ARFGEF1: variants seen among roughly 807,000 people sequenced by gnomAD.
ARFGEF1 encodes brefeldin A-inhibited guanine nucleotide-exchange protein 1.
Under a neutral mutation model 231.0 loss-of-function variants are expected in ARFGEF1, and 42 were observed. That is an observed-to-expected ratio of 0.18 (90% confidence interval 0.14 to 0.24). ARFGEF1 has a LOEUF of 0.24. Ranked by LOEUF, ARFGEF1 falls within the 10% of genes least tolerant of loss-of-function variation. The pLI is 1.00. For missense variants in ARFGEF1, 1,345 were observed against 2,192.0 expected (o/e 0.61, Z 7.72); for synonymous variants, 710 against 732.3 (o/e 0.97, Z 0.49).
chr8:67,320,709 C>T (rs1242969258), intron 1 of ARFGEF1, among the ~76,000 whole-genome samples: 2 of 151,812 alleles, frequency 1.3e-5, no homozygotes, highest in African/African-American at 4.8e-5. Flanking sequence ...ATAATCCCAG[C>T]ACTTTGGGAG....
chr8:67,237,045 A>G (rs926495259), intron 22 of ARFGEF1, among the ~76,000 whole-genome samples: 1 of 152,238 alleles, frequency 6.6e-6, no homozygotes, highest in Non-Finnish European at 1.5e-5. Flanking sequence ...ACTCAGGCCC[A>G]GCAATTAACA....
intron 5 of ARFGEF1, among the ~76,000 whole-genome samples, chr8:67,182,319 T>C (rs890769093): frequency 6.9e-5 from 8 of 115,168 alleles, no homozygotes; most frequent in African/African-American, 4.4e-4. Context: ...GATTTCCCCT[T>C]TTTTTTTTTA....
intron 37 of ARFGEF1, 33 bp downstream of exon 37, chr8:67,201,434 T>C (rs1440801740): frequency 1.3e-6 from 2 of 1,584,906 alleles, no homozygotes; most frequent in Admixed American, 1.9e-5. Context: ...CGTGGCTACC[T>C]GGTCAGAGAT....
rs751107137 is a variant in ARFGEF1, at chr8:67,238,370, G to A, written c.3262C>T (p.Pro1088Ser). The A allele has an allele frequency of 5.0e-6, 8 of 1,609,678 alleles. No homozygotes were observed. The highest frequency in any genetic ancestry group is 3.4e-5 in the Admixed American group (2 of 58,846). ...AGCCCTAAACCCACAAATTCATCAGGAGCCTGATCTTTTGTTCCAGTAAGA... is the reference window on the plus strand; with the variant it reads ...AGCCCTAAACCCACAAATTCATCAGAAGCCTGATCTTTTGTTCCAGTAAGA... ...GSLTGTKDQA[P>S]DEFVGLGLVG... Residue 1088 changes from proline to serine, a missense_variant, in exon 22 of 39, where the codon CCT becomes TCT. By Grantham distance (74) the Pro-to-Ser change is moderately conservative. This residue lies in a region of ARFGEF1 where 146 missense variants were observed against 321.4 expected (regional missense o/e 0.45). Coordinates refer to ENST00000262215, the MANE Select transcript of ARFGEF1 (RefSeq NM_006421.5).
chr8:67,298,097 T>C lies in ARFGEF1; in HGVS notation c.459+1112A>G, dbSNP rs975302268. Among the ~76,000 whole-genome samples the C allele has an allele frequency of 3.5e-5, 5 of 141,176 alleles. 1 individual carries two copies. The Middle Eastern group carries it at 0.011, about 305-fold the overall frequency. 92.6% of individuals were successfully genotyped at this position (141,176 alleles called of 152,430 possible). ...CTGGGATTACAGGCATGAGCTACCATGCCCAGTATTTTTTTTTTTTTAGAA... is the reference window on the plus strand; with the variant it reads ...CTGGGATTACAGGCATGAGCTACCACGCCCAGTATTTTTTTTTTTTTAGAA... On this transcript the variant is annotated intron_variant, in intron 4 of 38. Coordinates refer to ENST00000262215, the MANE Select transcript of ARFGEF1 (RefSeq NM_006421.5).
rs781253879 is a variant in ARFGEF1, at chr8:67,232,954, C to T, written c.3290-9G>A. 8 of 1,596,092 alleles carry T rather than the reference C, an allele frequency of 5.0e-6. No homozygotes were observed. Among genetic ancestry groups the T allele is most frequent in the African/African-American group, 1.3e-5 (1 of 74,150 alleles). ...GTCCACATTTCCTCCAACTACCACA[C>T]ATAAAAAAAAGTCATTTCAGTTTGA... On this transcript the variant is annotated splice_polypyrimidine_tract_variant and intron_variant, in intron 22 of 38. Transcript: ENST00000262215.
At chr8:67,330,725 T>C (rs1808061454) in intron 1 of ARFGEF1, among the ~76,000 whole-genome samples, 1 of 152,172 alleles carries the variant, frequency 6.6e-6, no homozygotes, top group African/African-American at 2.4e-5. Context: ...ATGCACATGG[T>C]TCCATTCTTA....
chr8:67,306,225 A>T (rs1806738219), intron 1 of ARFGEF1, among the ~76,000 whole-genome samples: 1 of 152,214 alleles, frequency 6.6e-6, no homozygotes, highest in Non-Finnish European at 1.5e-5. Flanking sequence ...AGTTGTGATA[A>T]CTGAGATGGC....
At chr8:67,265,942 AG>A in intron 14 of ARFGEF1, 63 bp downstream of exon 14, 1 of 1,491,128 alleles carries the variant, frequency 6.7e-7, no homozygotes, top group Non-Finnish European at 9.3e-7. Flanking sequence ...AACCCACGGC[AG>A]GGGTGGCACT....
At chr8:67,233,733 T>C (rs1839626827) in intron 22 of ARFGEF1, among the ~76,000 whole-genome samples, 1 of 151,660 alleles carries the variant, frequency 6.6e-6, no homozygotes, top group African/African-American at 2.4e-5. Flanking sequence ...GTCTCCTTCA[T>C]TCTGCTTACT....
At chr8:67,180,939 A>T (rs553429557) in intron 5 of ARFGEF1, among the ~76,000 whole-genome samples, 7 of 151,982 alleles carry the variant, frequency 4.6e-5, no homozygotes, top group Non-Finnish European at 5.9e-5. Context: ...TCAGGGAATG[A>T]TCTAGTCTAC....
chr8:67,259,863 T>A lies in ARFGEF1; in HGVS notation c.2187A>T (p.Thr729=), dbSNP rs1241331532. 45 of 1,613,358 alleles carry A rather than the reference T, an allele frequency of 2.8e-5. No individual in the cohort carries two copies. The highest frequency in any genetic ancestry group is 3.6e-5 in the Non-Finnish European group (43 of 1,179,618). ...GTAAGAATTGGGCAATATCTTCAGG[T>A]GTGGTGCCAAGCATCCCTTGTTCTT... The part of the protein sequence containing the change: ...YLQEQGMLGT[T]PEDIAQFLHQ... The change falls in exon 15 of 39, where the codon ACA becomes ACT. Residue 729 remains threonine (T), a synonymous_variant. Coordinates refer to ENST00000262215, the MANE Select transcript of ARFGEF1 (RefSeq NM_006421.5).
chr8:67,204,979 G>C (rs1838460358), intron 34 of ARFGEF1, 160 bp from the exon 35 acceptor site: 1 of 806,370 alleles, frequency 1.2e-6, no homozygotes. Context: ...CTCAGTAAAA[G>C]TTTAACTGAT....
At chr8:67,317,112 G>A (rs1464842614) in intron 1 of ARFGEF1, among the ~76,000 whole-genome samples, 1 of 152,118 alleles carries the variant, frequency 6.6e-6, no homozygotes, top group Non-Finnish European at 1.5e-5. Flanking sequence ...GAGCTGAGAG[G>A]GTAAAGCATT....
chr8:67,340,110 T>C (rs1013683451), intron 1 of ARFGEF1, among the ~76,000 whole-genome samples: 6 of 152,080 alleles, frequency 3.9e-5, no homozygotes, highest in African/African-American at 1.4e-4. Context: ...TGTTAAAAGG[T>C]AGCTGAATTA....
intron 8 of ARFGEF1, 136 bp downstream of exon 8, chr8:67,277,146 C>A: frequency 2.3e-6 from 2 of 881,576 alleles, no homozygotes; most frequent in East Asian, 2.8e-5. Context: ...AAAAAAACCC[C>A]AAGTTTCTTA....
chr8:67,209,624 C>T (rs1838651287), intron 34 of ARFGEF1, among the ~76,000 whole-genome samples: 1 of 152,206 alleles, frequency 6.6e-6, no homozygotes, highest in Non-Finnish European at 1.5e-5. Flanking sequence ...TCCTGTTCTC[C>T]TCTAAGGAGG....
intron 5 of ARFGEF1, among the ~76,000 whole-genome samples, chr8:67,295,200 A>G (rs1333313590): frequency 6.6e-6 from 1 of 152,216 alleles, no homozygotes; most frequent in African/African-American, 2.4e-5. Context: ...CGCCACAATA[A>G]TTAACTGTTG....
At chr8:67,337,559 C>T (rs751076829) in intron 1 of ARFGEF1, among the ~76,000 whole-genome samples, 1 of 152,032 alleles carries the variant, frequency 6.6e-6, no homozygotes, top group African/African-American at 2.4e-5. Context: ...ATCTGCCCAC[C>T]CCCTCCCATC....
Sources: gnomAD v4.1 joint callset for allele counts (sites outside exome capture counted in the v4.1 genomes callset) on GRCh38, gnomAD v4.1.1 for gene constraint, gnomAD v4.1.1 regional missense constraint, MANE v1.5 for transcripts, NCBI Gene and HGNC (gene_info 2026-07-23, HGNC 2026-07-21) for gene names.